The following PPIL4 variants were observed in gnomAD, a reference collection of about 807,000 sequenced individuals.
The protein encoded by PPIL4 is peptidylprolyl isomerase like 4.
In PPIL4, 50 loss-of-function variants were observed where a neutral mutation model predicts 69.1. That is an observed-to-expected ratio of 0.72 (90% CI 0.58 to 0.92). The LOEUF (loss-of-function observed/expected upper bound fraction) is 0.92. Ranked by LOEUF, PPIL4 falls within the 40% of genes least tolerant of loss-of-function variation. PPIL4 has a pLI of 0.00. For synonymous variants in PPIL4, 193 were observed against 191.6 expected (o/e 1.01, Z -0.06); for missense variants, 480 against 587.9 (o/e 0.82, Z 1.90).
chr6:149,513,322 C>T (rs1174545211), intron 11 of PPIL4, among the ~76,000 whole-genome samples: 2 of 125,928 alleles, frequency 1.6e-5, no homozygotes, highest in African/African-American at 6.2e-5. Flanking sequence ...GAGGTAGAGA[C>T]TTTTGTGAGC....
chr6:149,534,305 G>C (rs1727577891), intron 6 of PPIL4, among the ~76,000 whole-genome samples: 1 of 152,160 alleles, frequency 6.6e-6, no homozygotes, highest in African/African-American at 2.4e-5. Flanking sequence ...AATATGTGGG[G>C]GAACAGTCTG....
intron 11 of PPIL4, among the ~76,000 whole-genome samples, chr6:149,512,995 G>A (rs928366157): frequency 6.6e-6 from 1 of 151,498 alleles, no homozygotes; most frequent in Non-Finnish European, 1.5e-5. Context: ...ACCCGCCTCG[G>A]CCTCCCAAAG....
intron 4 of PPIL4, among the ~76,000 whole-genome samples, chr6:149,538,371 G>C (rs1777310493): frequency 6.6e-6 from 1 of 151,934 alleles, no homozygotes; most frequent in South Asian, 2.1e-4. Flanking sequence ...AAGAAATACA[G>C]CCTGACATGT....
At chr6:149,511,738 T>C (rs1032799354) in intron 12 of PPIL4, among the ~76,000 whole-genome samples, 6 of 152,174 alleles carry the variant, frequency 3.9e-5, no homozygotes, top group East Asian at 3.8e-4. Context: ...GTTTTTCTTA[T>C]ATACAATACA....
intron 8 of PPIL4, among the ~76,000 whole-genome samples, chr6:149,525,616 T>C (rs144026597): frequency 1.3e-5 from 2 of 152,328 alleles, no homozygotes; most frequent in East Asian, 3.9e-4. Context: ...CTCATACATA[T>C]ATAAATGTTT....
At chr6:149,528,659 T>C (rs1291511744) in intron 7 of PPIL4, among the ~76,000 whole-genome samples, 1 of 152,214 alleles carries the variant, frequency 6.6e-6, no homozygotes, top group African/African-American at 2.4e-5. Context: ...AAACCCTCAT[T>C]CATTGCTGGT....
chr6:149,526,703 G>A lies in PPIL4; in HGVS notation c.752C>T (p.Thr251Ile). 6.2e-7 allele frequency: 1 copy of A among 1,611,862 alleles called. No homozygotes were observed. The highest frequency in any genetic ancestry group is 8.5e-7 in the Non-Finnish European group (1 of 1,178,296). ...TATTATTTCCAGATCCTCATCTGTG[G>A]TCACTGGGTTCAATTTACACACAAA... ...VLFVCKLNPV[T>I]TDEDLEIIFS... is the part of the protein sequence containing the mutation. The change falls in exon 8 of 13, where the codon ACC becomes ATC. Residue 251 changes from threonine to isoleucine, a missense_variant. Physicochemically the swap from Thr to Ile is moderately conservative, Grantham distance 89. Transcript: ENST00000253329.
At chr6:149,505,808 T>C (rs914559356) in intron 12 of PPIL4, 104 bp from the exon 13 acceptor site, 3 of 976,498 alleles carry the variant, frequency 3.1e-6, no homozygotes, top group African/African-American at 1.6e-5. Flanking sequence ...AAGGCTGTTA[T>C]AACAGCTTAA....
Position 149,520,897 on chromosome 6 carries a change from C to A in PPIL4, c.982+163G>T, listed in dbSNP as rs552861397. On this transcript the variant is annotated intron_variant, in intron 10 of 12. Coordinates refer to ENST00000253329, the MANE Select transcript of PPIL4 (RefSeq NM_139126.4). ...GCATGGTGGCACATGCTTGTAATCC[C>A]AGCTGCTTGGGAGGCTGAGGCATGA... Among the ~76,000 whole-genome samples the A allele has an allele frequency of 2.0e-5, 3 of 151,962 alleles. No individual in the cohort carries two copies. In the East Asian group the frequency reaches 5.8e-4, roughly 29 times the overall value.
At chr6:149,525,640 G>T (rs1218794800) in intron 8 of PPIL4, among the ~76,000 whole-genome samples, 2 of 152,064 alleles carry the variant, frequency 1.3e-5, no homozygotes, top group Non-Finnish European at 2.9e-5. Flanking sequence ...TTCAAGCTTT[G>T]AAATTTTTGA....
intron 7 of PPIL4, among the ~76,000 whole-genome samples, chr6:149,531,119 T>C (rs908424193): frequency 1.3e-5 from 2 of 151,840 alleles, no homozygotes; most frequent in African/African-American, 2.4e-5. Flanking sequence ...ATCCCAGCAC[T>C]TTGGGAGGCC....
chr6:149,508,626 A>G (rs1198406686), intron 12 of PPIL4, among the ~76,000 whole-genome samples: 1 of 152,212 alleles, frequency 6.6e-6, no homozygotes, highest in East Asian at 1.9e-4. Context: ...GAAAAAGTAC[A>G]GTCAAGAATA....
chr6:149,545,913 G>T, intron 1 of PPIL4, 23 bp downstream of exon 1: 1 of 1,569,512 alleles, frequency 6.4e-7, no homozygotes, highest in East Asian at 2.4e-5. Context: ...CCCGGCGACA[G>T]GTGAGTGGGG....
At position 149,517,353 on chromosome 6, in the gene PPIL4, C is replaced by T; in HGVS notation, c.1079+1G>A. 6.6e-7 allele frequency: 1 copy of T among 1,519,554 alleles called. No homozygotes were observed. The highest frequency in any genetic ancestry group is 9.1e-7 in the Non-Finnish European group (1 of 1,095,188). 94.1% of individuals were successfully genotyped at this position (1,519,554 alleles called of 1,614,324 possible). On this transcript the variant is annotated splice_donor_variant, in intron 11 of 12. Transcript: ENST00000253329. LOFTEE classifies it high-confidence loss of function. ...AACTAACTGATTCTTGGTAAGGATA[C>T]TCCTGTTTGGGCTTTACTTTATCTT...
chr6:149,530,132 C>T (rs1449212415), intron 7 of PPIL4, among the ~76,000 whole-genome samples: 3 of 152,030 alleles, frequency 2.0e-5, no homozygotes, highest in Non-Finnish European at 4.4e-5. Context: ...TGAATTCTAA[C>T]GTAAATCATG....
intron 6 of PPIL4, among the ~76,000 whole-genome samples, chr6:149,534,089 G>A (rs1277603820): frequency 6.6e-6 from 1 of 152,090 alleles, no homozygotes; most frequent in Non-Finnish European, 1.5e-5. Context: ...GAGGAAGGCA[G>A]AGGCCACAAT....
intron 9 of PPIL4, among the ~76,000 whole-genome samples, chr6:149,524,440 A>G (rs1562259327): frequency 6.6e-6 from 1 of 152,240 alleles, no homozygotes; most frequent in Non-Finnish European, 1.5e-5. Context: ...AAGAACGGTT[A>G]ACTAAACTGC....
Position 149,525,283 on chromosome 6 carries a change from T to C in PPIL4, c.804-74A>G, listed in dbSNP as rs887335905. 11 of 733,560 alleles carry C rather than the reference T, an allele frequency of 1.5e-5. No individual in the cohort carries two copies. The African/African-American group carries it at 2.0e-4, about 13-fold the overall frequency. 45.4% of individuals were successfully genotyped at this position (733,560 alleles called of 1,614,324 possible). A position where few individuals can be genotyped will look rare whatever the true frequency, so the allele number is the denominator to read the frequency against. Reference sequence around the variant, plus strand: ...AGCATTCACTCTCACTCTTCAAAACTGAAGAAGAAATAAGTCAGTTACTAC... The same window carrying C: ...AGCATTCACTCTCACTCTTCAAAACCGAAGAAGAAATAAGTCAGTTACTAC... On this transcript the variant is annotated intron_variant, in intron 8 of 12. Transcript: ENST00000253329.
chr6:149,523,763 T>C (rs1777065731), intron 9 of PPIL4, among the ~76,000 whole-genome samples: 1 of 152,098 alleles, frequency 6.6e-6, no homozygotes, highest in South Asian at 2.1e-4. Flanking sequence ...GGGCAGTCAT[T>C]AGTCTATGTG....
Sources: gnomAD v4.1 joint callset for allele counts (sites outside exome capture counted in the v4.1 genomes callset) on GRCh38, gnomAD v4.1.1 for gene constraint, MANE v1.5 for transcripts, NCBI Gene and HGNC (gene_info 2026-07-23, HGNC 2026-07-21) for gene names.